MTRR: variants seen among roughly 807,000 people sequenced by gnomAD.
MTRR encodes the protein methionine synthase reductase.
A neutral mutation model predicts 79.2 loss-of-function variants in MTRR; 63 were observed. The observed-to-expected ratio is 0.80, with a 90% CI of 0.65 to 0.98. The LOEUF (loss-of-function observed/expected upper bound fraction) is 0.98. Ranked by LOEUF, MTRR falls within the 50% of genes least tolerant of loss-of-function variation. MTRR has a pLI of 0.00. For synonymous variants in MTRR, 355 were observed against 313.3 expected (o/e 1.13, Z -1.41); for missense variants, 895 against 839.6 (o/e 1.07, Z -0.82).
intron 5 of MTRR, 72 bp downstream of exon 5, chr5:7,878,394 A>G: frequency 3.2e-6 from 5 of 1,576,844 alleles, no homozygotes; most frequent in Non-Finnish European, 3.5e-6. Flanking sequence ...TTAAATTATT[A>G]TTACATTAGA....
intron 7 of MTRR, 107 bp downstream of exon 7, chr5:7,885,961 AT>A: frequency 1.4e-6 from 2 of 1,440,106 alleles, no homozygotes; most frequent in Non-Finnish European, 2.0e-6. Context: ...GGCCGCACAG[AT>A]GCCTGGGGCT....
upstream of MTRR, among the ~76,000 whole-genome samples, chr5:7,864,312 A>G (rs1746775957): frequency 6.6e-6 from 1 of 152,224 alleles, no homozygotes; most frequent in Admixed American, 6.5e-5. Context: ...ATACATAAAT[A>G]AAAATTCAAT....
chr5:7,866,798 A>T, upstream of MTRR: 1 of 1,614,198 alleles, frequency 6.2e-7, no homozygotes, highest in South Asian at 1.1e-5. Flanking sequence ...CAGCTTTCTA[A>T]ATAAAGCAGA....
chr5:7,866,963 A>T (rs1302860275), upstream of MTRR: 1 of 1,614,122 alleles, frequency 6.2e-7, no homozygotes, highest in African/African-American at 1.3e-5. Context: ...GTACTCCATG[A>T]CCCTGCAGAC....
At chr5:7,892,957 CTT>C (rs1460139237) in intron 11 of MTRR, 44 bp downstream of exon 11, 5 of 1,570,176 alleles carry the variant, frequency 3.2e-6, no homozygotes, top group Non-Finnish European at 4.3e-6. Flanking sequence ...AACTCATACT[CTT>C]TGTTTCATTA....
At chr5:7,885,971 C>T in intron 7 of MTRR, 117 bp downstream of exon 7, 3 of 1,347,848 alleles carry the variant, frequency 2.2e-6, no homozygotes, top group Non-Finnish European at 3.2e-6. Context: ...ATGCCTGGGG[C>T]TCAGCTGCGC....
intron 6 of MTRR, among the ~76,000 whole-genome samples, chr5:7,884,959 G>A (rs1347921927): frequency 6.6e-6 from 1 of 152,066 alleles, no homozygotes; most frequent in Non-Finnish European, 1.5e-5. Flanking sequence ...TTTTTATTCT[G>A]GTATTTTACA....
rs146538567 is a variant in MTRR, at chr5:7,880,794, G to C, written c.781-2361G>C. 3.1e-3 allele frequency among the ~76,000 whole-genome samples: 468 copies of C among 152,262 alleles called. 2 individuals carry two copies. Among genetic ancestry groups the C allele is most frequent in the African/African-American group, 0.011 (449 of 41,564 alleles). ...GCCACTGGAGGTCCTGGGCCAGGACGCCATTTACCGCCTGGCCCCCATGTG... is the reference window on the plus strand; with the variant it reads ...GCCACTGGAGGTCCTGGGCCAGGACCCCATTTACCGCCTGGCCCCCATGTG... On this transcript the variant is annotated intron_variant, in intron 5 of 14. Coordinates refer to ENST00000440940, the MANE Select transcript of MTRR (RefSeq NM_002454.3).
At position 7,891,769 on chromosome 5, in the gene MTRR, G is replaced by A. The variant is rs556926275; in HGVS notation, c.1370+355G>A. On this transcript the variant is annotated intron_variant, in intron 10 of 14. Transcript: ENST00000440940. The stretch of plus-strand genomic sequence containing the variant: ...TATAAAACATTTGATGAGTCCGGGC[G>A]TGGTGACTCACTCCTGTAATCCCAG... Among the ~76,000 whole-genome samples, 332 of 152,282 alleles carry A rather than the reference G, an allele frequency of 2.2e-3. 1 individual carries two copies. Among genetic ancestry groups the A allele is most frequent in the African/African-American group, 7.7e-3 (320 of 41,550 alleles).
chr5:7,886,127 G>A (rs1257583755), intron 7 of MTRR, among the ~76,000 whole-genome samples: 13 of 152,140 alleles, frequency 8.5e-5, no homozygotes, highest in African/African-American at 3.1e-4. Flanking sequence ...TTTTTGAGAA[G>A]CATTGGCCTA....
chr5:7,888,965 A>C, intron 8 of MTRR, 130 bp from the exon 9 acceptor site: 1 of 994,946 alleles, frequency 1.0e-6, no homozygotes, highest in Non-Finnish European at 1.5e-6. Flanking sequence ...TCCTCCTGAC[A>C]ATAGCTCCTA....
intron 1 of MTRR, chr5:7,861,540 TCAA>T: frequency 7.2e-7 from 1 of 1,390,540 alleles, no homozygotes; most frequent in South Asian, 1.8e-5. Context: ...CTTATTAGCC[TCAA>T]CGAGTCTTGT....
chr5:7,876,796 G>A (rs1319417085), intron 4 of MTRR, among the ~76,000 whole-genome samples: 1 of 152,154 alleles, frequency 6.6e-6, no homozygotes, highest in African/African-American at 2.4e-5. Context: ...TCGTAGGAGG[G>A]TCAAACGGAT....
chr5:7,895,952 T>G, intron 12 of MTRR, 100 bp downstream of exon 12: 2 of 1,431,202 alleles, frequency 1.4e-6, no homozygotes, highest in Non-Finnish European at 1.9e-6. Context: ...AAATTTTTAT[T>G]TAAAAAATTA....
At chr5:7,866,331 T>G (rs376840831), upstream of MTRR, among the ~76,000 whole-genome samples, 1 of 128,882 alleles carries the variant, frequency 7.8e-6, no homozygotes, top group Non-Finnish European at 1.8e-5. Flanking sequence ...AAAAAAAAGA[T>G]ACAGTTGCTC....
rs1747814707 is a variant in MTRR at position 7,870,745 on chromosome 5, G to A, written c.-25-25G>A. On this transcript the variant is annotated intron_variant, in intron 1 of 14. Transcript: ENST00000440940. ...GGTTGTTACTGCTTCATTAAAAAGA[G>A]GATCTTTTTTCCCCCATTTTTCAGT... 4 of 1,612,484 alleles carry A rather than the reference G, an allele frequency of 2.5e-6. No individual in the cohort carries two copies. The East Asian group carries it at 8.9e-5, about 36-fold the overall frequency.
upstream of MTRR, chr5:7,867,773 C>G (rs369497874): frequency 1.2e-6 from 2 of 1,614,078 alleles, no homozygotes; most frequent in African/African-American, 2.7e-5. Flanking sequence ...GCTCAGTCTC[C>G]TGTAAAACAT....
chr5:7,899,812 G>A, intron 14 of MTRR, 102 bp from the exon 15 acceptor site: 1 of 1,433,744 alleles, frequency 7.0e-7, no homozygotes, highest in Non-Finnish European at 9.8e-7. Flanking sequence ...ACGGAGGGAA[G>A]AACTATGGTG....
intron 8 of MTRR, 85 bp downstream of exon 8, chr5:7,886,788 C>T (rs1301722474): frequency 8.4e-6 from 9 of 1,067,424 alleles, no homozygotes; most frequent in Admixed American, 1.8e-5. Flanking sequence ...TAGAATATGC[C>T]CTTTGCAGTC....
Sources: allele counts gnomAD v4.1 joint callset (sites outside exome capture counted in the v4.1 genomes callset), GRCh38; gene constraint gnomAD v4.1.1; transcripts MANE v1.5; gene names NCBI Gene and HGNC (gene_info 2026-07-23, HGNC 2026-07-21).